BRI3: variants seen among roughly 807,000 people sequenced by gnomAD.
The protein encoded by BRI3 is brain protein I3.
BRI3 carries 6 observed loss-of-function variants against 12.8 expected under a neutral mutation model. The observed-to-expected ratio is 0.47, with a 90% CI of 0.26 to 0.93. The LOEUF (loss-of-function observed/expected upper bound fraction) is 0.93. BRI3 is among the 40% of genes least tolerant of loss of function. The probability of loss-of-function intolerance (pLI) is 0.15; values close to 1 mark genes in which losing one functional copy is unlikely to be tolerated. For synonymous variants in BRI3, 91 were observed against 76.1 expected (o/e 1.20, Z -1.02); for missense variants, 134 against 171.1 (o/e 0.78, Z 1.21).
chr7:98,293,075 G>GC, downstream of BRI3: 9 of 660,678 alleles, frequency 1.4e-5, no homozygotes, highest in Non-Finnish European at 1.6e-5. Flanking sequence ...TGCATGCTAA[G>GC]ATGCAAACTT....
chr7:98,315,325 G>T, downstream of BRI3: 2 of 717,594 alleles, frequency 2.8e-6, no homozygotes, highest in Admixed American at 3.6e-5. Flanking sequence ...ACAGAGTTTT[G>T]CCATGTTGCC....
chr7:98,305,265 T>C (rs1469376617), upstream of BRI3, among the ~76,000 whole-genome samples: 5 of 150,966 alleles, frequency 3.3e-5, no homozygotes, highest in Admixed American at 2.6e-4. Context: ...ATTGATTTAA[T>C]CTAAGGAAAG....
At chr7:98,313,101 C>CA (rs1271006650), downstream of BRI3, among the ~76,000 whole-genome samples, 1 of 151,232 alleles carries the variant, frequency 6.6e-6, no homozygotes, top group South Asian at 2.1e-4. Context: ...AAGACCCCCT[C>CA]ACACCACCCC....
intron 2 of BRI3, among the ~76,000 whole-genome samples, chr7:98,287,166 C>T (rs1799737482): frequency 1.3e-5 from 2 of 152,246 alleles, no homozygotes; most frequent in Non-Finnish European, 2.9e-5. Flanking sequence ...ATCTGTCCAG[C>T]TCCCGGGCGG....
At chr7:98,314,262 C>T (rs890068555), downstream of BRI3, among the ~76,000 whole-genome samples, 3 of 152,080 alleles carry the variant, frequency 2.0e-5, no homozygotes, top group East Asian at 3.9e-4. Flanking sequence ...GGATTACAGG[C>T]GTGAGCCACC....
intron 2 of BRI3, chr7:98,282,699 G>A (rs1389160937): frequency 2.2e-5 from 11 of 493,502 alleles, no homozygotes; most frequent in Non-Finnish European, 2.9e-5. Context: ...TAGATCTTGG[G>A]GCATTGCACC....
chr7:98,306,543 C>T, exon 1 of BRI3: 1 of 1,614,060 alleles, frequency 6.2e-7, no homozygotes, highest in Non-Finnish European at 8.5e-7. Context: ...AGAAAAGACC[C>T]TATCAGCAGT....
chr7:98,310,319 G>GT, exon 2 of BRI3: 4 of 1,043,004 alleles, frequency 3.8e-6, no homozygotes, highest in South Asian at 1.6e-5. Flanking sequence ...AGGGCTGAAT[G>GT]TATCTACCAT....
the BRI3 span, among the ~76,000 whole-genome samples, chr7:98,321,078 C>T: frequency 1.6e-4 from 24 of 151,876 alleles, no homozygotes; most frequent in Admixed American, 1.3e-4. Flanking sequence ...AGGTTGGTCT[C>T]GAACTCCTGA....
chr7:98,312,729 C>G (rs992813108), downstream of BRI3, among the ~76,000 whole-genome samples: 2 of 140,794 alleles, frequency 1.4e-5, no homozygotes, highest in Non-Finnish European at 3.1e-5. Context: ...CAGACACTGT[C>G]CTGAGAGTCT....
chr7:98,304,964 CA>C (rs1261708513), upstream of BRI3, among the ~76,000 whole-genome samples: 1 of 148,050 alleles, frequency 6.8e-6, no homozygotes, highest in Non-Finnish European at 1.5e-5. Context: ...CTCCCTGGTT[CA>C]AGTGATTCTC....
Position 98,282,415 on chromosome 7 carries a change from C to T in BRI3, c.207C>T (p.Ala69=), listed in dbSNP as rs1799557019. The T allele has an allele frequency of 2.5e-6, 4 of 1,614,006 alleles. No homozygotes were observed. The highest frequency in any genetic ancestry group is 3.4e-6 in the Non-Finnish European group (4 of 1,180,010). Residue 69 remains alanine, a synonymous_variant, in exon 2 of 3, where the codon GCC becomes GCT. Transcript: ENST00000297290. ...GCCGGACCGTCACCCGCTATCCTGCCAACTCTATCGTGGTCGTAGGAGGCT... is the reference window on the plus strand; with the variant it reads ...GCCGGACCGTCACCCGCTATCCTGCTAACTCTATCGTGGTCGTAGGAGGCT... ...IHSRTVTRYP[A]NSIVVVGGCP...
chr7:98,289,919 C>G (rs1160437548), intron 2 of BRI3, among the ~76,000 whole-genome samples: 2 of 152,200 alleles, frequency 1.3e-5, no homozygotes, highest in Non-Finnish European at 2.9e-5. Flanking sequence ...GAGGGATGGC[C>G]TGCAGGTGTC....
At chr7:98,321,917 GA>G in the BRI3 span, among the ~76,000 whole-genome samples, 4 of 152,098 alleles carry the variant, frequency 2.6e-5, no homozygotes, top group Non-Finnish European at 4.4e-5. Flanking sequence ...CCAACACGGT[GA>G]AACCCCGTCT....
chr7:98,299,354 C>T (rs1432054027), intron 1 of BRI3, among the ~76,000 whole-genome samples: 1 of 151,916 alleles, frequency 6.6e-6, no homozygotes, highest in Admixed American at 6.6e-5. Flanking sequence ...GACGAGGTCC[C>T]ACTATATTGC....
chr7:98,305,985 A>G (rs1800641725), upstream of BRI3, among the ~76,000 whole-genome samples: 1 of 152,126 alleles, frequency 6.6e-6, no homozygotes, highest in Non-Finnish European at 1.5e-5. Context: ...ACTGATGTTT[A>G]ATTGATGGGC....
chr7:98,285,208 A>G (rs896709843), intron 2 of BRI3, among the ~76,000 whole-genome samples: 2 of 152,214 alleles, frequency 1.3e-5, no homozygotes, highest in African/African-American at 4.8e-5. Flanking sequence ...GATGTCGCTC[A>G]GAGGTCCAGG....
chr7:98,316,867 C>CT, the BRI3 span, among the ~76,000 whole-genome samples: 3,106 of 145,454 alleles, frequency 0.021, 40 homozygotes, highest in Middle Eastern at 0.05. Flanking sequence ...AACTTCAAAA[C>CT]TTTTTTTTTT....
At chr7:98,306,799 A>C in intron 1 of BRI3, 1 of 416,602 alleles carries the variant, frequency 2.4e-6, no homozygotes. Context: ...CCTCGAACTC[A>C]TGGGCTCAAG....
Sources: allele counts gnomAD v4.1 joint callset (sites outside exome capture counted in the v4.1 genomes callset), GRCh38; gene constraint gnomAD v4.1.1; transcripts MANE v1.5; gene names NCBI Gene and HGNC (gene_info 2026-07-23, HGNC 2026-07-21).